SRGAP3: variants seen among roughly 807,000 people sequenced by gnomAD.
SRGAP3 encodes SLIT-ROBO Rho GTPase-activating protein 3.
SRGAP3 carries 39 observed loss-of-function variants against 121.1 expected under a neutral mutation model. That is an observed-to-expected ratio of 0.32 (90% CI 0.25 to 0.42). The LOEUF is 0.42. Ranked by LOEUF, SRGAP3 falls within the 10% of genes least tolerant of loss-of-function variation. SRGAP3 has a pLI of 1.00. For missense variants in SRGAP3, 1,213 were observed against 1,470.6 expected (o/e 0.82, Z 2.86); for synonymous variants, 601 against 570.0 (o/e 1.05, Z -0.77).
rs1949855588 is a variant in SRGAP3 at position 9,141,602 on chromosome 3, G to GTGTGTA, written c.68-16686_68-16685insTACACA. Among the ~76,000 whole-genome samples the GTGTGTA allele has an allele frequency of 6.5e-5, 8 of 123,728 alleles. No individual in the cohort carries two copies. In the South Asian group the frequency reaches 1.9e-3, roughly 29 times the overall value. The allele number at this position is 123,728 out of a possible 152,430, so 81.2% of individuals were successfully genotyped here. ...TGTGTGTGTGTGTGTGTGTGTGTGTGTTCTTTTCTTTTTAACCTTGTAAGA... is the reference window on the plus strand; with the variant it reads ...TGTGTGTGTGTGTGTGTGTGTGTGTGTGTGTATTCTTTTCTTTTTAACCTTGTAAGA... On this transcript the variant is annotated intron_variant, in intron 1 of 21. Transcript: ENST00000383836.
intron 1 of SRGAP3, among the ~76,000 whole-genome samples, chr3:9,227,291 T>G (rs1953021486): frequency 6.6e-6 from 1 of 152,238 alleles, no homozygotes; most frequent in African/African-American, 2.4e-5. Context: ...GGTCTAACTT[T>G]GCCTGCAAGC....
intron 12 of SRGAP3, among the ~76,000 whole-genome samples, chr3:9,031,708 G>C (rs1048084629): frequency 6.6e-6 from 1 of 152,186 alleles, no homozygotes; most frequent in Non-Finnish European, 1.5e-5. Context: ...TAGACAGCTG[G>C]AGCACGAGCA....
chr3:9,035,519 G>A (rs1944704456), intron 11 of SRGAP3: 2 of 182,888 alleles, frequency 1.1e-5, no homozygotes, highest in East Asian at 8.8e-5. Flanking sequence ...GCTGGGTGGG[G>A]CACAAAGTGG....
intron 1 of SRGAP3, among the ~76,000 whole-genome samples, chr3:9,191,345 TA>T (rs1951747695): frequency 1.3e-5 from 2 of 152,226 alleles, no homozygotes; most frequent in South Asian, 4.1e-4. Flanking sequence ...TGGAAAAACA[TA>T]AAATAAACAT....
chr3:9,116,581 C>G (rs1249861699), intron 2 of SRGAP3, among the ~76,000 whole-genome samples: 2 of 152,132 alleles, frequency 1.3e-5, no homozygotes, highest in African/African-American at 4.8e-5. Flanking sequence ...GGGGCTTCAC[C>G]AAGAAGGCAA....
At chr3:9,146,734 A>G (rs1387330666) in intron 1 of SRGAP3, among the ~76,000 whole-genome samples, 1 of 152,192 alleles carries the variant, frequency 6.6e-6, no homozygotes, top group Non-Finnish European at 1.5e-5. Flanking sequence ...ATGCAGACAG[A>G]GAGCACCAGG....
chr3:9,162,660 G>T (rs1950637532), intron 1 of SRGAP3, among the ~76,000 whole-genome samples: 1 of 152,232 alleles, frequency 6.6e-6, no homozygotes, highest in South Asian at 2.1e-4. Context: ...CACAGCGTGG[G>T]GAGCTGGCCA....
Position 8,985,756 on chromosome 3 carries a change from G to C in SRGAP3, c.3063C>G (p.Pro1021=). Residue 1021 remains proline, a synonymous_variant, in exon 22 of 22, where the codon CCC becomes CCG. Coordinates refer to ENST00000383836, the MANE Select transcript of SRGAP3 (RefSeq NM_014850.4). This position sits in a 1 kb window ranked among gnomAD's most constrained non-coding sequence, Gnocchi z 5.1. ...TGCTGCTGCGGCGCATGGCGGCATC[G>C]GGGTCGCGGATGACGATGGTGTGAA... is the stretch of plus-strand genomic sequence containing the variant. The part of the protein sequence containing the change: ...SPLHTIVIRD[P]DAAMRRSSSS... The C allele has an allele frequency of 1.3e-6, 2 of 1,599,518 alleles. No homozygotes were observed. The highest frequency in any genetic ancestry group is 1.7e-6 in the Non-Finnish European group (2 of 1,179,756).
intron 1 of SRGAP3, among the ~76,000 whole-genome samples, chr3:9,155,005 GTTT>G (rs56008553): frequency 7.1e-6 from 1 of 141,610 alleles, no homozygotes; most frequent in Non-Finnish European, 1.6e-5. Flanking sequence ...TTTGTTTTTT[GTTT>G]TTTTTTTGCA....
intron 4 of SRGAP3, among the ~76,000 whole-genome samples, chr3:9,070,272 T>C (rs1191976891): frequency 6.6e-6 from 1 of 152,248 alleles, no homozygotes; most frequent in African/African-American, 2.4e-5. Flanking sequence ...AAACAGCTTC[T>C]CAATGATGCA....
intron 3 of SRGAP3, among the ~76,000 whole-genome samples, chr3:9,315,772 T>C (rs1367302432): frequency 6.6e-6 from 1 of 152,102 alleles, no homozygotes; most frequent in Non-Finnish European, 1.5e-5. Flanking sequence ...GCCTAAATGA[T>C]GATAATGATT....
intron 1 of SRGAP3, among the ~76,000 whole-genome samples, chr3:9,195,026 C>T (rs552310752): frequency 1.1e-4 from 16 of 152,350 alleles, no homozygotes; most frequent in African/African-American, 3.8e-4. Context: ...AGGAGGAGCC[C>T]TGGCTTGAGT....
chr3:9,121,977 T>C (rs1949022718), intron 2 of SRGAP3, among the ~76,000 whole-genome samples: 1 of 152,154 alleles, frequency 6.6e-6, no homozygotes, highest in Non-Finnish European at 1.5e-5. Flanking sequence ...ACCTAGGCCC[T>C]TTCTTATCCC....
At chr3:9,124,529 G>A (rs1949144752) in intron 2 of SRGAP3, among the ~76,000 whole-genome samples, 196 bp downstream of exon 2, 1 of 152,218 alleles carries the variant, frequency 6.6e-6, no homozygotes, top group Non-Finnish European at 1.5e-5. Context: ...CTTCTGCAGA[G>A]GAACTCTTTC....
chr3:9,350,919 T>C (rs2030102005), intron 1 of SRGAP3, among the ~76,000 whole-genome samples: 1 of 152,212 alleles, frequency 6.6e-6, no homozygotes, highest in Non-Finnish European at 1.5e-5. Context: ...GATTTATTAT[T>C]TCTTGTCATC....
chr3:9,054,392 C>T (rs1384372577), intron 8 of SRGAP3, among the ~76,000 whole-genome samples: 1 of 152,142 alleles, frequency 6.6e-6, no homozygotes, highest in Non-Finnish European at 1.5e-5. Flanking sequence ...TATCTTAACC[C>T]AGACATTCCT....
chr3:9,046,107 TC>T (rs1230427756), intron 10 of SRGAP3, among the ~76,000 whole-genome samples: 3 of 151,558 alleles, frequency 2.0e-5, no homozygotes, highest in African/African-American at 7.3e-5. Flanking sequence ...AACTGAGTCT[TC>T]CCCCCTCCTA....
chr3:8,983,014 T>C lies in SRGAP3; in HGVS notation c.*2505A>G, dbSNP rs1941501663. 1 of 227,520 alleles carries C rather than the reference T, an allele frequency of 4.4e-6. No individual in the cohort carries two copies. The highest frequency in any genetic ancestry group is 2.2e-5 in the African/African-American group (1 of 44,986). 14.1% of individuals were successfully genotyped at this position (227,520 alleles called of 1,614,324 possible). A position where few individuals can be genotyped will look rare whatever the true frequency, so the allele number is the denominator to read the frequency against. ...CAGGCAACAGATTTTTCTACTCTGA[T>C]TGTTGCTTTTCATCTGGCAGTTGTG... is the stretch of plus-strand genomic sequence containing the variant. On this transcript the variant is annotated 3_prime_UTR_variant, in exon 22 of 22. Coordinates refer to ENST00000383836, the MANE Select transcript of SRGAP3 (RefSeq NM_014850.4).
rs201900737 is a variant in SRGAP3 at position 9,289,585 on chromosome 3, T to TG, written n.442+36424dup. ...GTTACAAATTCTCAGAGATTTTTTT[T>TG]GGGGGGGCCCTACAACCAGCCCCGA... On this transcript the variant is annotated intron_variant and non_coding_transcript_variant, in intron 3 of 3. Transcript: ENST00000490889. Among the ~76,000 whole-genome samples, 75 of 152,248 alleles carry TG rather than the reference T, an allele frequency of 4.9e-4. No individual in the cohort carries two copies. In the East Asian group the frequency reaches 0.014, roughly 28 times the overall value.
Sources: allele counts gnomAD v4.1 joint callset (sites outside exome capture counted in the v4.1 genomes callset), GRCh38; gene constraint gnomAD v4.1.1; non-coding constraint Gnocchi (gnomAD v3.1); transcripts MANE v1.5; gene names NCBI Gene and HGNC (gene_info 2026-07-23, HGNC 2026-07-21).